LILRA2: variants seen among roughly 807,000 people sequenced by gnomAD.
LILRA2 encodes the protein leukocyte immunoglobulin-like receptor subfamily A member 2.
LILRA2 carries 45 observed loss-of-function variants against 47.9 expected under a neutral mutation model. The ratio of observed to expected loss-of-function variants is 0.94; its 90% confidence interval spans 0.74 to 1.20. The LOEUF is 1.20. LILRA2 is among the 50% of genes most tolerant of loss of function. LILRA2 has a pLI of 0.00. For missense variants in LILRA2, 651 were observed against 598.2 expected (o/e 1.09, Z -0.92); for synonymous variants, 279 against 249.2 (o/e 1.12, Z -1.13).
At chr19:54,577,351 C>T in intron 6 of LILRA2, 1 of 831,122 alleles carries the variant, frequency 1.2e-6, no homozygotes, top group Non-Finnish European at 1.6e-6. Context: ...GGGGTCCAGG[C>T]CTGACTTGGA....
chr19:54,585,906 A>C (rs965205740), intron 6 of LILRA2, among the ~76,000 whole-genome samples: 1 of 152,128 alleles, frequency 6.6e-6, no homozygotes, highest in Non-Finnish European at 1.5e-5. Context: ...TGGAAGCGAC[A>C]CCTATATTTT....
At chr19:54,580,192 CTTTTCTT>C (rs1399475291) in intron 6 of LILRA2, among the ~76,000 whole-genome samples, 6 of 112,024 alleles carry the variant, frequency 5.4e-5, no homozygotes, top group African/African-American at 1.4e-4. Flanking sequence ...TGCCGGTTTT[CTTTTCTT>C]TTTTTTTTTT....
chr19:54,577,659 C>T (rs1255132589), intron 6 of LILRA2: 2 of 1,289,258 alleles, frequency 1.6e-6, no homozygotes, highest in African/African-American at 1.5e-5. Flanking sequence ...CACCTGGAGG[C>T]CTCTGTGCTC....
rs1479262128 is a variant in LILRA2 at position 54,574,593 on chromosome 19, A to C, written c.352+11A>C. The C allele has an allele frequency of 1.2e-6, 2 of 1,613,200 alleles. No individual in the cohort carries two copies. The highest frequency in any genetic ancestry group is 1.7e-6 in the Non-Finnish European group (2 of 1,179,444). On this transcript the variant is annotated intron_variant, in intron 3 of 7. Coordinates refer to ENST00000391738, the MANE Select transcript of LILRA2 (RefSeq NM_001130917.3). ...AGCTGGTGGTGACAGGTGAGAGGACACTCAGGAGTCCCAGCCCCAGGCTCT... is the reference window on the plus strand; with the variant it reads ...AGCTGGTGGTGACAGGTGAGAGGACCCTCAGGAGTCCCAGCCCCAGGCTCT...
chr19:54,578,929 A>T (rs538326970), intron 6 of LILRA2, among the ~76,000 whole-genome samples: 13 of 152,040 alleles, frequency 8.6e-5, no homozygotes, highest in Non-Finnish European at 1.5e-4. Flanking sequence ...TTCTCTTGAG[A>T]AGTGTCTGTT....
At chr19:54,580,201 T>TC (rs1253435868) in intron 6 of LILRA2, among the ~76,000 whole-genome samples, 15 of 143,212 alleles carry the variant, frequency 1.0e-4, no homozygotes, top group African/African-American at 3.9e-4. Context: ...TCTTTTCTTT[T>TC]TTTTTTTTTT....
Position 54,573,933 on chromosome 19 carries a change from G to A in LILRA2, c.34+21G>A, listed in dbSNP as rs7255803. 4,595 of 1,612,582 alleles carry A rather than the reference G, an allele frequency of 2.8e-3. 3 individuals are homozygous for A. The African/African-American group carries it at 0.054, about 19-fold the overall frequency. On this transcript the variant is annotated intron_variant, in intron 1 of 7. Transcript: ENST00000391738. ...TCTCGGTGAGATTTGAAGAGGGAGG[G>A]GAGCTTCTAACCTAGGAGGGACCTC...
intron 5 of LILRA2, 86 bp downstream of exon 5, chr19:54,575,638 G>T: frequency 6.3e-7 from 1 of 1,581,126 alleles, no homozygotes. Context: ...CCGGAATGAG[G>T]GTTGGGGGTC....
intron 6 of LILRA2, chr19:54,577,658 G>T (rs1307970939): frequency 7.8e-7 from 1 of 1,289,374 alleles, no homozygotes; most frequent in African/African-American, 1.5e-5. Flanking sequence ...TCACCTGGAG[G>T]CCTCTGTGCT....
chr19:54,585,943 G>C (rs1431261402), intron 6 of LILRA2, among the ~76,000 whole-genome samples: 1 of 152,162 alleles, frequency 6.6e-6, no homozygotes, highest in African/African-American at 2.4e-5. Context: ...GTATCCATGA[G>C]AAAGTGACTG....
chr19:54,576,183 C>A (rs2062424759), intron 6 of LILRA2, 74 bp downstream of exon 6: 3 of 1,596,312 alleles, frequency 1.9e-6, no homozygotes, highest in Non-Finnish European at 2.6e-6. Context: ...AGCTCTGGGA[C>A]AATAATGAAT....
rs1462989192 is a variant in LILRA2, at chr19:54,581,747, A to G, written c.1256-5263A>G. ...TGAAAATGGCCATACTGCCCAAGGT[A>G]ATTTACAGATTCAATGCCATCCCCA... On this transcript the variant is annotated intron_variant, in intron 6 of 7. Coordinates refer to ENST00000391738, the MANE Select transcript of LILRA2 (RefSeq NM_001130917.3). Among the ~76,000 whole-genome samples, 3 of 149,880 alleles carry G rather than the reference A, an allele frequency of 2.0e-5. No homozygotes were observed. The East Asian group carries it at 5.8e-4, about 29-fold the overall frequency.
At chr19:54,573,750 G>A, upstream of LILRA2, 1 of 1,571,792 alleles carries the variant, frequency 6.4e-7, no homozygotes, top group Non-Finnish European at 8.6e-7. Context: ...CTTCCTGTGT[G>A]GTTGCACATA....
At chr19:54,573,638 G>A (rs1298208522), upstream of LILRA2, 6 of 937,210 alleles carry the variant, frequency 6.4e-6, no homozygotes, top group African/African-American at 8.3e-5. Context: ...TGGGGGGCAG[G>A]AAAGACCCCA....
chr19:54,587,142 CAT>C (rs2062835530), intron 7 of LILRA2, 57 bp from the exon 8 acceptor site: 1 of 1,611,406 alleles, frequency 6.2e-7, no homozygotes, highest in Admixed American at 1.7e-5. Context: ...CCTGGGTGGA[CAT>C]ACAGGAGTCC....
rs534565744 is a variant in LILRA2 at position 54,574,590 on chromosome 19, G to A, written c.352+8G>A. ...TGGAGCTGGTGGTGACAGGTGAGAGGACACTCAGGAGTCCCAGCCCCAGGC... is the reference window on the plus strand; with the variant it reads ...TGGAGCTGGTGGTGACAGGTGAGAGAACACTCAGGAGTCCCAGCCCCAGGC... On this transcript the variant is annotated splice_region_variant and intron_variant, in intron 3 of 7. Transcript: ENST00000391738. 42 of 1,613,620 alleles carry A rather than the reference G, an allele frequency of 2.6e-5. No individual in the cohort carries two copies. The highest frequency in any genetic ancestry group is 6.7e-5 in the Admixed American group (4 of 60,014).
At chr19:54,585,338 A>G (rs1220669556) in intron 6 of LILRA2, among the ~76,000 whole-genome samples, 1 of 152,224 alleles carries the variant, frequency 6.6e-6, no homozygotes, top group Admixed American at 6.5e-5. Flanking sequence ...GGGACGTTTA[A>G]GTCTGCAGAA....
At chr19:54,573,170 A>G (rs2062194934), upstream of LILRA2, 3 of 306,006 alleles carry the variant, frequency 9.8e-6, no homozygotes, top group South Asian at 1.3e-4. Flanking sequence ...TTTTTTATAC[A>G]GACAAGGTCT....
rs140640200 is a variant in LILRA2 at position 54,575,996 on chromosome 19, G to C, written c.1142G>C (p.Arg381Pro). 2,367 of 1,603,688 alleles carry C rather than the reference G, an allele frequency of 1.5e-3. 2 individuals carry two copies. The highest frequency in any genetic ancestry group is 0.012 in the South Asian group (1,011 of 83,734). ...HQAQQNQAEF[R>P]MGPVTSAHVG... ...GCTCAGCAGAACCAGGCTGAATTCC[G>C]CATGGGTCCTGTGACCTCAGCCCAC... Residue 381 changes from arginine (R) to proline (P), a missense_variant, in exon 6 of 8, where the codon CGC becomes CCC. Transcript: ENST00000391738.
Sources: allele counts gnomAD v4.1 joint callset (sites outside exome capture counted in the v4.1 genomes callset), GRCh38; gene constraint gnomAD v4.1.1; transcripts MANE v1.5; gene names NCBI Gene and HGNC (gene_info 2026-07-23, HGNC 2026-07-21).